The following ZNF263 variants were observed in gnomAD, a reference collection of about 807,000 sequenced individuals.
The protein encoded by ZNF263 is zinc finger protein 263, also known as zinc finger protein FPM315.
ZNF263 carries 49 observed loss-of-function variants against 63.1 expected under a neutral mutation model. The ratio of observed to expected loss-of-function variants is 0.78; its 90% CI spans 0.62 to 0.99. The LOEUF (loss-of-function observed/expected upper bound fraction) is 0.99. Ranked by LOEUF, ZNF263 falls within the 50% of genes least tolerant of loss-of-function variation. The pLI is 0.00. For synonymous variants in ZNF263, 352 were observed against 324.2 expected, an observed-to-expected ratio of 1.09 and a Z score of -0.92; for missense variants, 872 against 854.8, an observed-to-expected ratio of 1.02 and a Z score of -0.25.
At chr16:3,292,963 GAC>G (rs1959651032), downstream of ZNF263, 1 of 152,218 alleles carries the variant, frequency 6.6e-6, no homozygotes, top group Admixed American at 6.5e-5. Flanking sequence ...ATCTAACACT[GAC>G]TGAGGTCACT....
At chr16:3,300,588 T>A (rs372216094) in intron 2 of ZNF263, 5 of 1,593,378 alleles carry the variant, frequency 3.1e-6, no homozygotes, top group Non-Finnish European at 4.3e-6. Context: ...CCAAATTCAG[T>A]GTTGTATATT....
rs1258752894 is a variant in ZNF263, at chr16:3,299,622, A to T, written c.*46+466A>T. ...GTTTGCAGCTCAAGATCACACCTTG[A>T]TTCATTGGTTGAATCAAGGTTGAAG... On this transcript the variant is annotated intron_variant, in intron 2 of 2. Transcript: ENST00000574674. The T allele has an allele frequency of 1.9e-6, 3 of 1,564,800 alleles. No homozygotes were observed. In the Admixed American group the frequency reaches 6.4e-5, roughly 33 times the overall value.
chr16:3,300,837 C>T (rs556606522), intron 2 of ZNF263: 1 of 598,724 alleles, frequency 1.7e-6, no homozygotes, highest in South Asian at 3.4e-5. Context: ...TTGCAAAGTC[C>T]TGTCTGGCTC....
chr16:3,300,720 C>G, intron 2 of ZNF263: 1 of 1,471,040 alleles, frequency 6.8e-7, no homozygotes, highest in Non-Finnish European at 9.0e-7. Context: ...AGCTGAAAGC[C>G]CCAGAAGGCA....
rs757571412 is a variant in ZNF263 at position 3,290,471 on chromosome 16, A to G, written c.1965A>G (p.Gly655=). Residue 655 remains glycine, a synonymous_variant, in exon 6 of 6, where the codon GGA becomes GGG. Transcript: ENST00000219069. ...NRIRHLRTHT[G]ERPYKCSECG... Reference sequence around the variant, plus strand: ...TTCGCCACCTGAGAACGCATACGGGAGAGAGACCCTATAAATGTTCTGAAT... The same window carrying G: ...TTCGCCACCTGAGAACGCATACGGGGGAGAGACCCTATAAATGTTCTGAAT... 5 of 1,613,986 alleles carry G rather than the reference A, an allele frequency of 3.1e-6. No individual in the cohort carries two copies. In the Admixed American group the frequency reaches 8.3e-5, roughly 27 times the overall value.
At chr16:3,293,926 T>G (rs1049865162), downstream of ZNF263, among the ~76,000 whole-genome samples, 1 of 152,218 alleles carries the variant, frequency 6.6e-6, no homozygotes, top group Non-Finnish European at 1.5e-5. Flanking sequence ...CTCAGCACTT[T>G]TTTGTTTTGT....
In ZNF263 at chr16:3,285,077, G is replaced by C. The variant is rs760565692; in HGVS notation, c.406G>C (p.Gly136Arg). The C allele has an allele frequency of 6.2e-7, 1 of 1,614,180 alleles. No individual in the cohort carries two copies. The highest frequency in any genetic ancestry group is 8.5e-7 in the Non-Finnish European group (1 of 1,180,036). Residue 136 changes from glycine to arginine, a missense_variant, in exon 2 of 6, where the codon GGA becomes CGA. Gly to Arg is a moderately radical substitution (Grantham distance 125). Coordinates refer to ENST00000219069, the MANE Select transcript of ZNF263 (RefSeq NM_005741.5). ...TTCCCAGGTCACAAACCATGGGCGG[G>C]GAACAGAAGTGCTTTTGGAGGAGCC... ...LRQQVTNHGR[G>R]TEVLLEEPLP...
rs752338609 is a variant in ZNF263 at position 3,286,162 on chromosome 16, T to C, written c.769+13T>C. Reference sequence around the variant, plus strand: ...GTGGACTCACTGGGTAAGGACTTCTTTTCCAGGGATGATGACTGCGCCATT... The same window carrying C: ...GTGGACTCACTGGGTAAGGACTTCTCTTCCAGGGATGATGACTGCGCCATT... On this transcript the variant is annotated intron_variant, in intron 4 of 5. Coordinates refer to ENST00000219069, the MANE Select transcript of ZNF263 (RefSeq NM_005741.5). 6.3e-7 allele frequency: 1 copy of C among 1,579,130 alleles called. No homozygotes were observed. Among genetic ancestry groups the C allele is most frequent in the Admixed American group, 2.0e-5 (1 of 49,434 alleles).
chr16:3,288,932 C>A (rs1032574747), intron 5 of ZNF263, among the ~76,000 whole-genome samples: 2 of 151,984 alleles, frequency 1.3e-5, no homozygotes, highest in African/African-American at 4.8e-5. Flanking sequence ...TGTGAGCCAC[C>A]GCCCCCAGCA....
chr16:3,294,664 G>C (rs1482542496), downstream of ZNF263, among the ~76,000 whole-genome samples: 3 of 152,036 alleles, frequency 2.0e-5, no homozygotes, highest in Admixed American at 6.6e-5. Flanking sequence ...AATGATCTAG[G>C]TTAAGTTCAA....
At chr16:3,291,501 G>C, downstream of ZNF263, 1 of 985,298 alleles carries the variant, frequency 1.0e-6, no homozygotes, top group Non-Finnish European at 1.2e-6. Flanking sequence ...CTAGACCCCC[G>C]AGTGTTGATC....
chr16:3,300,022 A>G lies in ZNF263; in HGVS notation c.*46+866A>G, dbSNP rs1428242163. 3.7e-6 allele frequency: 6 copies of G among 1,614,066 alleles called. No individual in the cohort carries two copies. The East Asian group carries it at 8.9e-5, about 24-fold the overall frequency. ...GTTTATTTTCTTCCCTGGTAGGCAG[A>G]TATCTTTCCTACTTGCCTGAGAATT... On this transcript the variant is annotated intron_variant, in intron 2 of 2. Transcript: ENST00000574674.
chr16:3,299,111 A>G (rs925411763), exon 2 of ZNF263: 1 of 1,458,674 alleles, frequency 6.9e-7, no homozygotes, highest in Middle Eastern at 1.8e-4. Context: ...TTCAGTGTGA[A>G]GTGGAATCTC....
rs1959341480 is a variant in ZNF263 at position 3,286,041 on chromosome 16, G to A, written c.661G>A (p.Asp221Asn). ...GTTTCAGTTGCCTGAGAGCTTAGAG[G>A]ACGTGGCAATGTACATCTCCCAGGA... is the stretch of plus-strand genomic sequence containing the variant. ...TGPQLPESLE[D>N]VAMYISQEEW... The change falls in exon 4 of 6, where the codon GAC becomes AAC. Residue 221 changes from aspartate to asparagine, a missense_variant. Transcript: ENST00000219069. 2 of 1,613,552 alleles carry A rather than the reference G, an allele frequency of 1.2e-6. No homozygotes were observed. Among genetic ancestry groups the A allele is most frequent in the Admixed American group, 1.7e-5 (1 of 59,862 alleles).
intron 4 of ZNF263, chr16:3,286,869 G>C (rs1959378065): frequency 1.3e-5 from 2 of 152,152 alleles, no homozygotes; most frequent in Admixed American, 1.3e-4. Context: ...AAAAGTTGGG[G>C]AAGTCTTAAC....
downstream of ZNF263, among the ~76,000 whole-genome samples, chr16:3,292,312 A>G (rs1200324295): frequency 6.6e-6 from 1 of 152,126 alleles, no homozygotes; most frequent in Non-Finnish European, 1.5e-5. Flanking sequence ...TCAGTTTAGT[A>G]TGTGTTTTTC....
intron 1 of ZNF263, chr16:3,298,912 C>A (rs1409741074): frequency 2.8e-6 from 2 of 724,950 alleles, no homozygotes; most frequent in Non-Finnish European, 4.1e-6. Flanking sequence ...TAAAACAAGA[C>A]AATTCACAGC....
At chr16:3,300,324 CG>C (rs764320414) in intron 2 of ZNF263, 4 of 1,614,124 alleles carry the variant, frequency 2.5e-6, no homozygotes, top group African/African-American at 1.3e-5. Context: ...CGCCTCTTAC[CG>C]GAACACCGGC....
chr16:3,299,719 G>T, intron 2 of ZNF263: 1 of 1,535,260 alleles, frequency 6.5e-7, no homozygotes, highest in Non-Finnish European at 8.7e-7. Flanking sequence ...AGGATGAGCC[G>T]GGCAACTGTC....
Sources: gnomAD v4.1 joint callset for allele counts (sites outside exome capture counted in the v4.1 genomes callset) on GRCh38, gnomAD v4.1.1 for gene constraint, MANE v1.5 for transcripts, NCBI Gene and HGNC (gene_info 2026-07-23, HGNC 2026-07-21) for gene names.